Variants in CCND1 observed in about 807,000 individuals in gnomAD.
The protein encoded by CCND1 is G1/S-specific cyclin-D1.
Under a neutral mutation model 26.1 loss-of-function variants are expected in CCND1, and 9 were observed. The ratio of observed to expected loss-of-function variants is 0.35; its 90% CI spans 0.21 to 0.60. CCND1 has a LOEUF of 0.60. Among genes scored for constraint, CCND1 ranks in the 20% least tolerant of loss-of-function variants. The pLI is 0.79. For missense variants in CCND1, 335 were observed against 392.9 expected (o/e 0.85, Z 1.25); for synonymous variants, 194 against 166.1 (o/e 1.17, Z -1.29).
chr11:69,647,259 G>A (rs1343082890), intron 3 of CCND1, among the ~76,000 whole-genome samples: 5 of 151,538 alleles, frequency 3.3e-5, no homozygotes, highest in Non-Finnish European at 7.4e-5. Flanking sequence ...GAGTTGGGGT[G>A]TACTTGGTCT....
At chr11:69,646,170 C>A (rs1316755042) in intron 3 of CCND1, among the ~76,000 whole-genome samples, 4 of 152,210 alleles carry the variant, frequency 2.6e-5, no homozygotes, top group Non-Finnish European at 5.9e-5. Context: ...GAACCTGTCG[C>A]TCCCTGCAGA....
At position 69,651,530 on chromosome 11, in the gene CCND1, C is replaced by A; in HGVS notation, c.*248C>A. ...GAAAAAAAAAATAGTATTTGCATAA[C>A]CCTGAGCGGTGGGGGAGGAGGGTTG... On this transcript the variant is annotated 3_prime_UTR_variant, in exon 5 of 5. Coordinates refer to ENST00000227507, the MANE Select transcript of CCND1 (RefSeq NM_053056.3). The A allele has an allele frequency of 2.6e-6, 1 of 380,788 alleles. No homozygotes were observed. Among genetic ancestry groups the A allele is most frequent in the Non-Finnish European group, 4.6e-6 (1 of 215,102 alleles). 23.6% of individuals were successfully genotyped at this position (380,788 alleles called of 1,614,324 possible). A position where few individuals can be genotyped will look rare whatever the true frequency, so the allele number is the denominator to read the frequency against.
chr11:69,642,779 C>T (rs3918292), intron 1 of CCND1, among the ~76,000 whole-genome samples: 14,403 of 151,824 alleles, frequency 0.095, 900 homozygotes, highest in East Asian at 0.26. Flanking sequence ...CCGCGCACGC[C>T]GCCCAGCTGT....
intron 4 of CCND1, among the ~76,000 whole-genome samples, chr11:69,648,817 G>A (rs1214110560): frequency 6.6e-6 from 1 of 152,158 alleles, no homozygotes. Flanking sequence ...GGCTGGGTGG[G>A]CCTGCAAGAC....
chr11:69,651,044 T>C (rs1286584875), intron 4 of CCND1, 74 bp from the exon 5 acceptor site: 8 of 1,445,910 alleles, frequency 5.5e-6, no homozygotes, highest in South Asian at 5.1e-5. Context: ...TCATGGCACC[T>C]GGGAAGGGGC....
At chr11:69,650,836 C>T (rs535920736) in intron 4 of CCND1, among the ~76,000 whole-genome samples, 6 of 142,384 alleles carry the variant, frequency 4.2e-5, no homozygotes, top group Admixed American at 2.8e-4. Flanking sequence ...GACATGGGGA[C>T]GGGCAGGGGG....
chr11:69,644,464 T>C (rs1855753990), intron 3 of CCND1, among the ~76,000 whole-genome samples: 1 of 152,132 alleles, frequency 6.6e-6, no homozygotes, highest in Admixed American at 6.5e-5. Context: ...GCTGTCGGCC[T>C]GCCTGCACCA....
At chr11:69,643,711 A>T (rs2120092265) in intron 2 of CCND1, 121 bp from the exon 3 acceptor site, 1 of 882,130 alleles carries the variant, frequency 1.1e-6, no homozygotes, top group East Asian at 2.7e-5. Flanking sequence ...ACCGCACGAG[A>T]CGCAGGGGCC....
rs1299107729 is a variant in CCND1 at position 69,641,359 on chromosome 11, G to A, written c.46G>A (p.Ala16Thr). The A allele has an allele frequency of 1.2e-6, 2 of 1,613,162 alleles. No individual in the cohort carries two copies. The highest frequency in any genetic ancestry group is 1.7e-6 in the Non-Finnish European group (2 of 1,180,018). The change falls in exon 1 of 5, where the codon GCG (alanine) becomes ACG (threonine). Residue 16 changes from alanine (A) to threonine (T), a missense_variant. Ala to Thr is a moderately conservative substitution (Grantham distance 58). Coordinates refer to ENST00000227507, the MANE Select transcript of CCND1 (RefSeq NM_053056.3). ...LCCEVETIRRAYPDANLLNDR... is the reference protein window; with the variant it reads ...LCCEVETIRRTYPDANLLNDR... ...CTGCGAAGTGGAAACCATCCGCCGCGCGTACCCCGATGCCAACCTCCTCAA... is the reference window on the plus strand; with the variant it reads ...CTGCGAAGTGGAAACCATCCGCCGCACGTACCCCGATGCCAACCTCCTCAA...
At chr11:69,644,716 C>T (rs919900368) in intron 3 of CCND1, among the ~76,000 whole-genome samples, 7 of 152,218 alleles carry the variant, frequency 4.6e-5, no homozygotes, top group Non-Finnish European at 8.8e-5. Context: ...GACAGACTCG[C>T]ACATACACAG....
In CCND1 at chr11:69,642,144, A is replaced by AG. The variant is rs542156757; in HGVS notation, c.198+640dup. Among the ~76,000 whole-genome samples, 376 of 145,326 alleles carry AG rather than the reference A, an allele frequency of 2.6e-3. 2 individuals are homozygous for AG. The highest frequency in any genetic ancestry group is 8.7e-3 in the African/African-American group (339 of 38,882). ...AGTTTTGGGGGGACGCCGCTAGGGAAGGGGGGGCCTTTGTTCAAGCAGCGA... is the reference window on the plus strand; with the variant it reads ...AGTTTTGGGGGGACGCCGCTAGGGAAGGGGGGGGCCTTTGTTCAAGCAGCGA... On this transcript the variant is annotated intron_variant, in intron 1 of 4. Coordinates refer to ENST00000227507, the MANE Select transcript of CCND1 (RefSeq NM_053056.3).
intron 1 of CCND1, among the ~76,000 whole-genome samples, chr11:69,642,498 G>A (rs1417397381): frequency 6.6e-6 from 1 of 152,178 alleles, no homozygotes; most frequent in African/African-American, 2.4e-5. Context: ...CCCAACCCCC[G>A]GCCTGGGTAA....
intron 2 of CCND1, among the ~76,000 whole-genome samples, chr11:69,643,479 G>T (rs1000129111): frequency 5.9e-5 from 9 of 152,344 alleles, no homozygotes; most frequent in African/African-American, 2.2e-4. Context: ...CGCGCCCCGC[G>T]GTGTGGCCGA....
chr11:69,654,256 G>A lies in CCND1; in HGVS notation c.*2974G>A. 1 of 702,574 alleles carries A rather than the reference G, an allele frequency of 1.4e-6. No homozygotes were observed. Among genetic ancestry groups the A allele is most frequent in the South Asian group, 1.5e-5 (1 of 67,604 alleles). The allele number at this position is 702,574 out of a possible 1,614,324, so 43.5% of individuals were successfully genotyped here. On this transcript the variant is annotated 3_prime_UTR_variant, in exon 5 of 5. Transcript: ENST00000227507. The surrounding 1 kb of genome is among the most constrained non-coding windows in gnomAD (Gnocchi z 6.3). ...GGCAAGGGCACAAGTCCTGGATGTT[G>A]TGTGTATCGAGAGGCCAAAGGCTGG...
rs113745276 is a variant in CCND1 at position 69,652,584 on chromosome 11, A to G, written c.*1302A>G. ...TCCTTTGGTGCCAACTGGTGTTTGA[A>G]AGTAGGGACCTCAGAGGTTTACCTA... On this transcript the variant is annotated 3_prime_UTR_variant, in exon 5 of 5. Transcript: ENST00000227507. The G allele has an allele frequency of 5.9e-4, 137 of 233,332 alleles. 1 individual carries two copies. The highest frequency in any genetic ancestry group is 2.7e-3 in the African/African-American group (125 of 45,482). The allele number at this position is 233,332 out of a possible 1,614,324, so 14.5% of individuals were successfully genotyped here.
In CCND1 at chr11:69,653,597, G is replaced by A. The variant is rs1423893996; in HGVS notation, c.*2315G>A. ...GATCCCACACAGGCTGGCGGGGGCC[G>A]GCCCCGAGGCCGCGTGCGTGAGAAC... is the stretch of plus-strand genomic sequence containing the variant. On this transcript the variant is annotated 3_prime_UTR_variant, in exon 5 of 5. Coordinates refer to ENST00000227507, the MANE Select transcript of CCND1 (RefSeq NM_053056.3). 22 of 487,976 alleles carry A rather than the reference G, an allele frequency of 4.5e-5. 1 individual carries two copies. The highest frequency in any genetic ancestry group is 3.0e-4 in the South Asian group (11 of 37,218). 30.2% of individuals were successfully genotyped at this position (487,976 alleles called of 1,614,324 possible).
In CCND1 at chr11:69,653,365, T is replaced by C. The variant is rs1470775829; in HGVS notation, c.*2083T>C. 1.4e-5 allele frequency: 10 copies of C among 698,732 alleles called. No individual in the cohort carries two copies. The highest frequency in any genetic ancestry group is 2.1e-5 in the Non-Finnish European group (8 of 383,914). 43.3% of individuals were successfully genotyped at this position (698,732 alleles called of 1,614,324 possible). ...TGTTTTACAATGTCATATACTGCCA[T>C]GTACTAGTTTTAGTTTTCTCTTAGA... On this transcript the variant is annotated 3_prime_UTR_variant, in exon 5 of 5. Coordinates refer to ENST00000227507, the MANE Select transcript of CCND1 (RefSeq NM_053056.3).
At chr11:69,645,444 A>G (rs1320573847) in intron 3 of CCND1, among the ~76,000 whole-genome samples, 1 of 152,080 alleles carries the variant, frequency 6.6e-6, no homozygotes, top group Non-Finnish European at 1.5e-5. Flanking sequence ...ACTACTGCAC[A>G]CCCTTTGTCT....
rs551698744 is a variant in CCND1, at chr11:69,654,379, G to T, written c.*3097G>T. On this transcript the variant is annotated 3_prime_UTR_variant, in exon 5 of 5. Coordinates refer to ENST00000227507, the MANE Select transcript of CCND1 (RefSeq NM_053056.3). This position sits in a 1 kb window ranked among gnomAD's most constrained non-coding sequence, Gnocchi z 6.3. ...GGGTCTGTGCATTTCTGGTTGCACC[G>T]CGGCGCTTCCCAGCACCAACATGTA... is the stretch of plus-strand genomic sequence containing the variant. 3 of 701,680 alleles carry T rather than the reference G, an allele frequency of 4.3e-6. No individual in the cohort carries two copies. In the South Asian group the frequency reaches 4.4e-5, roughly 10 times the overall value. 43.5% of individuals were successfully genotyped at this position (701,680 alleles called of 1,614,324 possible). A position where few individuals can be genotyped will look rare whatever the true frequency, so the allele number is the denominator to read the frequency against.
Sources: gnomAD v4.1 joint callset for allele counts (sites outside exome capture counted in the v4.1 genomes callset) on GRCh38, gnomAD v4.1.1 for gene constraint, Gnocchi (gnomAD v3.1) non-coding constraint, MANE v1.5 for transcripts, NCBI Gene and HGNC (gene_info 2026-07-23, HGNC 2026-07-21) for gene names.